The following DCLRE1A variants were observed in gnomAD, a reference collection of about 807,000 sequenced individuals.
DCLRE1A encodes the protein DNA cross-link repair 1A protein.
In DCLRE1A, 64 loss-of-function variants were observed where a neutral mutation model predicts 91.9. The ratio of observed to expected loss-of-function variants is 0.70; its 90% confidence interval spans 0.57 to 0.86. The LOEUF (loss-of-function observed/expected upper bound fraction) is 0.86. Among genes scored for constraint, DCLRE1A ranks in the 40% least tolerant of loss-of-function variants. The pLI is 0.00. For synonymous variants in DCLRE1A, 416 were observed against 431.1 expected (o/e 0.96, Z 0.43); for missense variants, 1,145 against 1,213.3 (o/e 0.94, Z 0.84).
intron 8 of DCLRE1A, among the ~76,000 whole-genome samples, chr10:113,836,062 C>T (rs1845358007): frequency 6.6e-6 from 1 of 152,200 alleles, no homozygotes; most frequent in Non-Finnish European, 1.5e-5. Context: ...GTAAGATGTG[C>T]TTGCTTGCCC....
Position 113,850,645 on chromosome 10 carries a change from C to A in DCLRE1A, c.461-1G>T. On this transcript the variant is annotated splice_acceptor_variant, in intron 1 of 8. Transcript: ENST00000361384. LOFTEE classifies it high-confidence loss of function. ...GTACACAGAAGACCATCAGGACACTCTGAAATTTTAATAAAGAAAAAATAT... is the reference window on the plus strand; with the variant it reads ...GTACACAGAAGACCATCAGGACACTATGAAATTTTAATAAAGAAAAAATAT... The A allele has an allele frequency of 6.4e-7, 1 of 1,569,348 alleles. No individual in the cohort carries two copies. The highest frequency in any genetic ancestry group is 8.6e-7 in the Non-Finnish European group (1 of 1,158,028).
intron 2 of DCLRE1A, among the ~76,000 whole-genome samples, chr10:113,848,356 T>C (rs886074945): frequency 3.3e-5 from 5 of 152,066 alleles, no homozygotes; most frequent in Non-Finnish European, 5.9e-5. Flanking sequence ...ATCAAAATAA[T>C]TATTAAAAAC....
chr10:113,842,510 C>T, intron 5 of DCLRE1A, 22 bp from the exon 6 acceptor site: 1 of 1,602,760 alleles, frequency 6.2e-7, no homozygotes, highest in Admixed American at 1.7e-5. Flanking sequence ...AAACATGGTA[C>T]TTACTAAAAG....
Position 113,849,511 on chromosome 10 carries a change from G to T in DCLRE1A, c.1594C>A (p.Pro532Thr). 6.2e-6 allele frequency: 10 copies of T among 1,613,886 alleles called. No homozygotes were observed. Among genetic ancestry groups the T allele is most frequent in the Non-Finnish European group, 8.5e-6 (10 of 1,180,020 alleles). The change falls in exon 2 of 9, where the codon CCG (proline) becomes ACG (threonine). Residue 532 changes from proline (P) to threonine (T), a missense_variant. Physicochemically the swap from Pro to Thr is conservative, Grantham distance 38. Transcript: ENST00000361384. ...NTENLSSTPAPKYLKILPSGL... is the reference protein window; with the variant it reads ...NTENLSSTPATKYLKILPSGL... ...GAAGGCAATATTTTCAAATACTTCG[G>T]AGCAGGTGTACTAGACAAGTTTTCT...
Position 113,835,184 on chromosome 10 carries a change from A to T in DCLRE1A, c.3091T>A (p.Phe1031Ile). The part of the protein sequence containing the change: ...WKSRSTMEKY[F>I]REWKLEAGY ...CCAGCTTCCAATTTCCACTCTCTAA[A>T]ATATTTCTCCATTGTGCTCCTAGAT... The change falls in exon 9 of 9, where the codon TTT (phenylalanine) becomes ATT (isoleucine). Residue 1031 changes from phenylalanine to isoleucine, a missense_variant. Coordinates refer to ENST00000361384, the MANE Select transcript of DCLRE1A (RefSeq NM_014881.5). 7.4e-6 allele frequency: 12 copies of T among 1,613,896 alleles called. No individual in the cohort carries two copies. Among genetic ancestry groups the T allele is most frequent in the Non-Finnish European group, 1.0e-5 (12 of 1,179,964 alleles).
chr10:113,851,405 C>T, intron 1 of DCLRE1A, among the ~76,000 whole-genome samples: 1 of 151,944 alleles, frequency 6.6e-6, no homozygotes, highest in Admixed American at 6.5e-5. Flanking sequence ...AACATGAAAG[C>T]CATATTGAGT....
In DCLRE1A at chr10:113,850,403, A is replaced by G; in HGVS notation, c.702T>C (p.Tyr234=). The change falls in exon 2 of 9, where the codon TAT becomes TAC. Residue 234 remains tyrosine, a synonymous_variant. Transcript: ENST00000361384. ...CAGTCAGAGACGGAGACTTTTTAAAATACTGTGTCATCAATAAGGGATCAT... is the reference window on the plus strand; with the variant it reads ...CAGTCAGAGACGGAGACTTTTTAAAGTACTGTGTCATCAATAAGGGATCAT... The part of the protein sequence containing the change: ...VSNDPLLMTQ[Y]FKKSPSLTEA... The G allele has an allele frequency of 6.2e-7, 1 of 1,614,236 alleles. No homozygotes were observed. Among genetic ancestry groups the G allele is most frequent in the South Asian group, 1.1e-5 (1 of 91,086 alleles).
At chr10:113,841,890 T>C (rs1845451537) in intron 6 of DCLRE1A, among the ~76,000 whole-genome samples, 1 of 152,204 alleles carries the variant, frequency 6.6e-6, no homozygotes, top group Admixed American at 6.5e-5. Context: ...TTTGATATAA[T>C]GTGGCCATAC....
At chr10:113,835,587 T>C (rs1240280677) in intron 8 of DCLRE1A, among the ~76,000 whole-genome samples, 1 of 152,072 alleles carries the variant, frequency 6.6e-6, no homozygotes, top group Non-Finnish European at 1.5e-5. Flanking sequence ...GGGAGGGGCC[T>C]GGTGGGAGGC....
chr10:113,842,516 A>G (rs1564842566), intron 5 of DCLRE1A, 28 bp from the exon 6 acceptor site: 3 of 1,597,832 alleles, frequency 1.9e-6, no homozygotes, highest in Non-Finnish European at 2.6e-6. Context: ...GGTACTTACT[A>G]AAAGAACAAT....
rs1364235327 is a variant in DCLRE1A at position 113,849,018 on chromosome 10, G to T, written c.2087C>A (p.Ser696Ter). ...ATAGAATGGACATGTCTTTTTTCTTGATCCTCCTACATTAGATGACTCTGG... is the reference window on the plus strand; with the variant it reads ...ATAGAATGGACATGTCTTTTTTCTTTATCCTCCTACATTAGATGACTCTGG... ...KIPESSNVGGSRKKTCPFYKK... is the reference protein window; with the variant it reads ...KIPESSNVGG The change falls in exon 2 of 9, where the codon TCA becomes TAA. Residue 696 changes from serine (S) to a stop codon, truncating the protein, a stop_gained. Coordinates refer to ENST00000361384, the MANE Select transcript of DCLRE1A (RefSeq NM_014881.5). LOFTEE classifies it high-confidence loss of function. 1.9e-6 allele frequency: 3 copies of T among 1,609,648 alleles called. No homozygotes were observed. Among genetic ancestry groups the T allele is most frequent in the Admixed American group, 1.7e-5 (1 of 58,802 alleles).
In DCLRE1A at chr10:113,842,485, A is replaced by G. The variant is rs547959859; in HGVS notation, c.2523T>C (p.Tyr841=). The G allele has an allele frequency of 2.5e-6, 4 of 1,612,224 alleles. No homozygotes were observed. The highest frequency in any genetic ancestry group is 2.2e-5 in the South Asian group (2 of 90,790). The change falls in exon 6 of 9, where the codon TAT becomes TAC. Residue 841 remains tyrosine, a synonymous_variant. Transcript: ENST00000361384. ...KVHMLYLDTT[Y]CSPEYTFPSQ... is the part of the protein sequence containing the mutation. ...ATGGAAAGGTGTATTCTGGGCTACA[A>G]TATCTGTGGTATGGAAACATGGTAC...
intron 3 of DCLRE1A, among the ~76,000 whole-genome samples, chr10:113,846,216 TGGAA>T (rs1845534759): frequency 6.6e-6 from 1 of 152,216 alleles, no homozygotes; most frequent in Non-Finnish European, 1.5e-5. Context: ...TGCCTGGTCC[TGGAA>T]TCAGACAGAT....
Position 113,853,299 on chromosome 10 carries a change from A to G in DCLRE1A, c.-117T>C. The G allele has an allele frequency of 2.0e-6, 2 of 1,000,424 alleles. No individual in the cohort carries two copies. The highest frequency in any genetic ancestry group is 3.3e-4 in the Middle Eastern group (1 of 3,040). 62.0% of individuals were successfully genotyped at this position (1,000,424 alleles called of 1,614,324 possible). On this transcript the variant is annotated 5_prime_UTR_variant, in exon 1 of 9. Coordinates refer to ENST00000361384, the MANE Select transcript of DCLRE1A (RefSeq NM_014881.5). ...GCTGAGAAAAAAAACAAAGGTAACAAAACCCCCACCAACTCAATGGGAATC... is the reference window on the plus strand; with the variant it reads ...GCTGAGAAAAAAAACAAAGGTAACAGAACCCCCACCAACTCAATGGGAATC...
At chr10:113,844,580 G>A (rs1193397067) in intron 4 of DCLRE1A, among the ~76,000 whole-genome samples, 3 of 152,160 alleles carry the variant, frequency 2.0e-5, no homozygotes, top group Non-Finnish European at 4.4e-5. Flanking sequence ...ATTGAACTAT[G>A]TGATACTAGC....
At position 113,844,164 on chromosome 10, in the gene DCLRE1A, G is replaced by A. The variant is rs1463556539; in HGVS notation, c.2459C>T (p.Pro820Leu). The A allele has an allele frequency of 1.2e-6, 2 of 1,614,104 alleles. No individual in the cohort carries two copies. The highest frequency in any genetic ancestry group is 3.3e-5 in the Admixed American group (2 of 60,016). The change falls in exon 5 of 9, where the codon CCC becomes CTC. Residue 820 changes from proline (P) to leucine (L), a missense_variant. Coordinates refer to ENST00000361384, the MANE Select transcript of DCLRE1A (RefSeq NM_014881.5). ...ILHTGDFRAD[P>L]SMERSLLADQ... ...CGCAAGAAGAGAACGTTCCATGCTG[G>A]GATCTGCTCTGAAGTCTCCCGTGTG...
chr10:113,854,116 T>C (rs2134677140), upstream of DCLRE1A: 1 of 152,316 alleles, frequency 6.6e-6, no homozygotes, highest in African/African-American at 2.4e-5. Flanking sequence ...TTCTGAAGAC[T>C]CTAAGGCCCG....
chr10:113,849,262 T>C lies in DCLRE1A; in HGVS notation c.1843A>G (p.Ser615Gly). The C allele has an allele frequency of 6.2e-7, 1 of 1,614,162 alleles. No homozygotes were observed. The highest frequency in any genetic ancestry group is 1.3e-5 in the African/African-American group (1 of 75,060). Residue 615 changes from serine to glycine, a missense_variant, in exon 2 of 9, where the codon AGT becomes GGT. Ser to Gly is a moderately conservative substitution (Grantham distance 56). Coordinates refer to ENST00000361384, the MANE Select transcript of DCLRE1A (RefSeq NM_014881.5). The part of the protein sequence containing the change: ...KSLSDLEFDA[S>G]TLHESQLSVE... ...GAAAGCTGACTCTCATGTAAAGTAC[T>C]TGCATCAAATTCTAAATCACTTAAA...
Position 113,847,355 on chromosome 10 carries a change from A to C in DCLRE1A, c.2126-20T>G. The stretch of plus-strand genomic sequence containing the variant: ...CGGTTCCTGCAATAAAAATACCGAC[A>C]CAGTAGGTTGAGCAAGAGCTAAGAT... On this transcript the variant is annotated intron_variant, in intron 2 of 8. Transcript: ENST00000361384. 6.2e-7 allele frequency: 1 copy of C among 1,612,790 alleles called. No homozygotes were observed. The highest frequency in any genetic ancestry group is 8.5e-7 in the Non-Finnish European group (1 of 1,179,202).
Sources: gnomAD v4.1 joint callset for allele counts (sites outside exome capture counted in the v4.1 genomes callset) on GRCh38, gnomAD v4.1.1 for gene constraint, MANE v1.5 for transcripts, NCBI Gene and HGNC (gene_info 2026-07-23, HGNC 2026-07-21) for gene names.